Variants in CEP128 observed in about 807,000 individuals in gnomAD.
The protein encoded by CEP128 is centrosomal protein 128.
CEP128 carries 132 observed loss-of-function variants against 156.7 expected under a neutral mutation model. That is an observed-to-expected ratio of 0.84 (90% CI 0.73 to 0.97). The LOEUF is 0.97. Ranked by LOEUF, CEP128 falls within the 50% of genes least tolerant of loss-of-function variation. The pLI is 0.00. For synonymous variants in CEP128, 469 were observed against 448.9 expected, an observed-to-expected ratio of 1.04 and a Z score of -0.57; for missense variants, 1,252 against 1,281.9, an observed-to-expected ratio of 0.98 and a Z score of 0.36.
intron 16 of CEP128, among the ~76,000 whole-genome samples, chr14:80,769,506 G>C (rs1045426700): frequency 6.6e-6 from 1 of 151,996 alleles, no homozygotes; most frequent in African/African-American, 2.4e-5. Flanking sequence ...AACATGCGGT[G>C]TTTGATTTTT....
At chr14:80,818,127 CT>C (rs1477511820) in intron 13 of CEP128, among the ~76,000 whole-genome samples, 1 of 152,094 alleles carries the variant, frequency 6.6e-6, no homozygotes, top group African/African-American at 2.4e-5. Context: ...TCAAGTGATC[CT>C]CTCACCTCAG....
At chr14:80,866,158 C>A (rs1485868182) in intron 8 of CEP128, among the ~76,000 whole-genome samples, 1 of 152,072 alleles carries the variant, frequency 6.6e-6, no homozygotes, top group African/African-American at 2.4e-5. Context: ...ACTAGACTGG[C>A]CCCTGTAAGC....
intron 13 of CEP128, among the ~76,000 whole-genome samples, chr14:80,818,984 C>T (rs1335623192): frequency 1.3e-5 from 2 of 152,204 alleles, no homozygotes; most frequent in Admixed American, 6.5e-5. Context: ...AGAGTTCCCA[C>T]TGTCCTAATC....
intron 20 of CEP128, among the ~76,000 whole-genome samples, chr14:80,561,913 T>TATATATATATATATATATATATATATATA (rs1566781226): frequency 3.4e-5 from 5 of 148,416 alleles, no homozygotes; most frequent in African/African-American, 1.3e-4. Context: ...TATATATATA[T>TATATATATATATATATATATATATATATA]TTGTTTTGTT....
At chr14:80,542,401 C>T (rs7155907) in intron 21 of CEP128, among the ~76,000 whole-genome samples, 88,611 of 152,022 alleles carry the variant, frequency 0.58, 27,317 homozygotes, top group African/African-American at 0.79. Flanking sequence ...ATTTTAAATG[C>T]AGAATTTAAA....
At chr14:80,617,807 T>TAAAAAATAAAC (rs1893290956) in intron 19 of CEP128, among the ~76,000 whole-genome samples, 1 of 151,364 alleles carries the variant, frequency 6.6e-6, no homozygotes, top group Non-Finnish European at 1.5e-5. Flanking sequence ...TCCACAAAAA[T>TAAAAAATAAAC]AAAAAATAAA....
chr14:80,542,468 A>C (rs148077756), intron 21 of CEP128, among the ~76,000 whole-genome samples: 2 of 152,350 alleles, frequency 1.3e-5, no homozygotes, highest in African/African-American at 4.8e-5. Flanking sequence ...AATTAAAGAA[A>C]TAATAAAAAC....
chr14:80,862,768 G>T lies in CEP128; in HGVS notation c.751C>A (p.Gln251Lys), dbSNP rs749958719. 2.3e-5 allele frequency: 37 copies of T among 1,595,620 alleles called. No individual in the cohort carries two copies. Among genetic ancestry groups the T allele is most frequent in the Middle Eastern group, 1.7e-4 (1 of 6,060 alleles). Reference protein sequence around the residue: ...RQDQLGLMSLQLQEALKKQEA... With the variant: ...RQDQLGLMSLKLQEALKKQEA... ...TGTTTTTCACAAACCTCCTGTAGCT[G>T]CAGGGACATGAGTCCCAGTTGATCC... The change falls in exon 9 of 25, where the codon CAG becomes AAG. Residue 251 changes from glutamine to lysine, a missense_variant. Gln to Lys is a moderately conservative substitution (Grantham distance 53). Transcript: ENST00000555265.
At chr14:80,648,540 C>T (rs1042346046) in intron 19 of CEP128, among the ~76,000 whole-genome samples, 1 of 151,830 alleles carries the variant, frequency 6.6e-6, no homozygotes, top group African/African-American at 2.4e-5. Context: ...CAACCTTTCC[C>T]TAAAGGAGAA....
chr14:80,791,433 T>C (rs1009477399), intron 14 of CEP128, among the ~76,000 whole-genome samples: 3 of 152,216 alleles, frequency 2.0e-5, no homozygotes, highest in African/African-American at 7.2e-5. Flanking sequence ...CTCAGCACCA[T>C]GGACTGGAAT....
chr14:80,769,981 G>C (rs1209473190), intron 16 of CEP128, among the ~76,000 whole-genome samples: 1 of 152,060 alleles, frequency 6.6e-6, no homozygotes. Flanking sequence ...TCAACCAATG[G>C]TATACACCAT....
chr14:80,788,711 T>C (rs1006796019), intron 14 of CEP128, among the ~76,000 whole-genome samples: 3 of 152,110 alleles, frequency 2.0e-5, no homozygotes, highest in Admixed American at 6.6e-5. Context: ...AACAATATGA[T>C]CCTCTCTTGC....
At chr14:80,856,892 A>AT (rs1887205252) in intron 9 of CEP128, among the ~76,000 whole-genome samples, 1 of 150,486 alleles carries the variant, frequency 6.6e-6, no homozygotes, top group South Asian at 2.1e-4. Context: ...CACCACACTA[A>AT]TTTTTTTGTT....
Position 80,681,807 on chromosome 14 carries a change from T to C in CEP128, c.2806+61268A>G, listed in dbSNP as rs147036584. Among the ~76,000 whole-genome samples, 941 of 152,306 alleles carry C rather than the reference T, an allele frequency of 6.2e-3. 10 individuals are homozygous for C. The highest frequency in any genetic ancestry group is 0.021 in the African/African-American group (890 of 41,570). ...GTACACAGTCTCAGGCAGTTCTTTA[T>C]AGCAACAAGAGAACAGTCTAATACA... On this transcript the variant is annotated intron_variant, in intron 19 of 24. Coordinates refer to ENST00000555265, the MANE Select transcript of CEP128 (RefSeq NM_152446.5).
At chr14:80,827,171 G>A (rs980318520) in intron 13 of CEP128, among the ~76,000 whole-genome samples, 2 of 152,040 alleles carry the variant, frequency 1.3e-5, no homozygotes, top group African/African-American at 2.4e-5. Flanking sequence ...CTTAAATACT[G>A]ACAAATCTTC....
At chr14:80,802,704 C>A (rs958902884) in intron 13 of CEP128, among the ~76,000 whole-genome samples, 1 of 151,826 alleles carries the variant, frequency 6.6e-6, no homozygotes, top group Admixed American at 6.5e-5. Context: ...AAAGTAAGGT[C>A]AGAAATTGAC....
intron 3 of CEP128, among the ~76,000 whole-genome samples, chr14:80,915,487 T>C (rs1884496455): frequency 6.6e-6 from 1 of 152,216 alleles, no homozygotes; most frequent in Non-Finnish European, 1.5e-5. Flanking sequence ...GGTAAGGGAT[T>C]AATGCGTAGG....
At chr14:80,847,599 G>A (rs1167565364) in intron 9 of CEP128, among the ~76,000 whole-genome samples, 1 of 152,088 alleles carries the variant, frequency 6.6e-6, no homozygotes, top group South Asian at 2.1e-4. Flanking sequence ...ACAAGCAGTG[G>A]GGCAGAATCA....
chr14:80,655,642 G>T (rs563953358), intron 19 of CEP128, among the ~76,000 whole-genome samples: 1 of 152,280 alleles, frequency 6.6e-6, no homozygotes, highest in South Asian at 2.1e-4. Context: ...CTGAAGCTGA[G>T]TTAAGGAGAA....
Sources: gnomAD v4.1 joint callset for allele counts (sites outside exome capture counted in the v4.1 genomes callset) on GRCh38, gnomAD v4.1.1 for gene constraint, MANE v1.5 for transcripts, NCBI Gene and HGNC (gene_info 2026-07-23, HGNC 2026-07-21) for gene names.